RBL2: variants seen among roughly 807,000 people sequenced by gnomAD.
The protein encoded by RBL2 is RB transcriptional corepressor like 2, also known as retinoblastoma-like protein 2.
RBL2 carries 56 observed loss-of-function variants against 126.0 expected under a neutral mutation model. The observed-to-expected ratio is 0.44, with a 90% CI of 0.36 to 0.56. The LOEUF is 0.56. RBL2 is among the 20% of genes least tolerant of loss of function. The pLI is 0.00. For missense variants in RBL2, 1,229 were observed against 1,398.2 expected (o/e 0.88, Z 1.93); for synonymous variants, 454 against 478.5 (o/e 0.95, Z 0.67).
chr16:53,465,012 C>T (rs2076358795), intron 12 of RBL2: 1 of 153,036 alleles, frequency 6.5e-6, no homozygotes, highest in African/African-American at 2.4e-5. Flanking sequence ...CCAGGATGGT[C>T]TCGATCTCCT....
At chr16:53,444,435 C>T (rs2058043499) in intron 3 of RBL2, among the ~76,000 whole-genome samples, 1 of 151,838 alleles carries the variant, frequency 6.6e-6, no homozygotes, top group Admixed American at 6.6e-5. Flanking sequence ...TGCCTGTAAT[C>T]CCAGCTACTT....
chr16:53,489,985 GT>G (rs1961347333), intron 21 of RBL2, 144 bp from the exon 22 acceptor site: 1 of 555,792 alleles, frequency 1.8e-6, no homozygotes, highest in South Asian at 6.3e-5. Flanking sequence ...AAGTTGGCAG[GT>G]TATGTAACTT....
Position 53,467,099 on chromosome 16 carries a change from C to T in RBL2, c.1905C>T (p.Cys635=), listed in dbSNP as rs1467064541. ...PQNLERADEI[C]IAGSPLTPRR... ...ACCTGGAAAGGGCAGATGAAATTTG[C>T]ATTGCTGGCTCCCCTTTGACTCCCA... The change falls in exon 14 of 22, where the codon TGC becomes TGT. Residue 635 remains cysteine (C), a synonymous_variant. Transcript: ENST00000262133. The T allele has an allele frequency of 3.1e-6, 5 of 1,613,854 alleles. No individual in the cohort carries two copies. The highest frequency in any genetic ancestry group is 1.7e-5 in the Admixed American group (1 of 60,000).
rs1961424587 is a variant in RBL2, at chr16:53,491,214, C to T, written c.*914C>T. 6.6e-6 allele frequency: 1 copy of T among 152,072 alleles called. No individual in the cohort carries two copies. The highest frequency in any genetic ancestry group is 1.5e-5 in the Non-Finnish European group (1 of 68,014). 9.4% of individuals were successfully genotyped at this position (152,072 alleles called of 1,614,324 possible). A position where few individuals can be genotyped will look rare whatever the true frequency, so the allele number is the denominator to read the frequency against. ...GGGGATTAATATGAAAACTTATGAC[C>T]TCTTCCTTTAGGAGGGAGTTATCTA... On this transcript the variant is annotated 3_prime_UTR_variant, in exon 22 of 22. Transcript: ENST00000262133.
At chr16:53,454,268 G>A (rs1018238094) in intron 7 of RBL2, 5 of 446,920 alleles carry the variant, frequency 1.1e-5, no homozygotes, top group Non-Finnish European at 2.2e-5. Context: ...GCAGTGGCAT[G>A]ATCTCGGCTC....
intron 1 of RBL2, among the ~76,000 whole-genome samples, chr16:53,435,053 G>C (rs2057943525): frequency 6.6e-6 from 1 of 152,184 alleles, no homozygotes; most frequent in African/African-American, 2.4e-5. Context: ...GATCGCGCTG[G>C]GGTCCCGTTG....
chr16:53,434,758 G>A lies in RBL2; in HGVS notation c.202G>A (p.Asp68Asn). The A allele has an allele frequency of 6.5e-7, 1 of 1,537,648 alleles. No homozygotes were observed. Among genetic ancestry groups the A allele is most frequent in the African/African-American group, 1.4e-5 (1 of 72,590 alleles). The change falls in exon 1 of 22, where the codon GAC becomes AAC. Residue 68 changes from aspartate to asparagine, a missense_variant. Asp to Asn is a conservative substitution (Grantham distance 23). Coordinates refer to ENST00000262133, the MANE Select transcript of RBL2 (RefSeq NM_005611.4). ...CGAGGCGGCGCGGGCCGAGGCCTGG[G>A]ACAGCTACCGCAGCATGAGCGAAAG... Reference protein sequence around the residue: ...MDEAARAEAWDSYRSMSESYT... With the variant: ...MDEAARAEAWNSYRSMSESYT...
In RBL2 at chr16:53,470,494, C is replaced by CT; in HGVS notation, c.2358dup (p.Gly787TrpfsTer41). 6.2e-7 allele frequency: 1 copy of CT among 1,614,152 alleles called. No individual in the cohort carries two copies. On this transcript the variant is annotated frameshift_variant, in exon 16 of 22. Transcript: ENST00000262133. LOFTEE classifies it high-confidence loss of function. ...CAGCCCCTCAGTGCTCAGGCCCTGGCTGGAAGTCTGAGCTCTCAACAGGTG... is the reference window on the plus strand; with the variant it reads ...CAGCCCCTCAGTGCTCAGGCCCTGGCTTGGAAGTCTGAGCTCTCAACAGGTG...
At position 53,470,746 on chromosome 16, in the gene RBL2, G is replaced by T. The variant is rs781006235; in HGVS notation, c.2527G>T (p.Val843Leu). The change falls in exon 17 of 22, where the codon GTA becomes TTA. Residue 843 changes from valine (V) to leucine (L), a missense_variant and splice_region_variant. Physicochemically the swap from Val to Leu is conservative, Grantham distance 32. Transcript: ENST00000262133. The stretch of plus-strand genomic sequence containing the variant: ...AGTTTGAAATGTTTTTATCTCCTAG[G>T]TATACCATTTAGCAGCTGTCCGCCT... ...TSSLSLFFRK[V>L]YHLAAVRLRD... The T allele has an allele frequency of 2.5e-6, 4 of 1,613,758 alleles. No homozygotes were observed. Among genetic ancestry groups the T allele is most frequent in the African/African-American group, 2.7e-5 (2 of 74,886 alleles).
In RBL2 at chr16:53,446,547, C is replaced by G. The variant is rs370123989; in HGVS notation, c.573-495C>G. On this transcript the variant is annotated intron_variant, in intron 3 of 21. Coordinates refer to ENST00000262133, the MANE Select transcript of RBL2 (RefSeq NM_005611.4). ...ACTACTTGGCAATATACAACAGGTA[C>G]TCTTAATGGATGGAAGTATAAGGAA... 8.6e-5 allele frequency among the ~76,000 whole-genome samples: 13 copies of G among 152,010 alleles called. 1 individual carries two copies. The highest frequency in any genetic ancestry group is 6.6e-4 in the Admixed American group (10 of 15,250).
intron 21 of RBL2, chr16:53,489,019 A>G (rs552166112): frequency 5.3e-5 from 8 of 151,916 alleles, no homozygotes; most frequent in South Asian, 4.2e-4. Flanking sequence ...ATTCAAGACC[A>G]GCTTGGACAA....
At chr16:53,447,007 G>A (rs561266156) in intron 3 of RBL2, 35 bp from the exon 4 acceptor site, 1 of 1,331,934 alleles carries the variant, frequency 7.5e-7, no homozygotes, top group South Asian at 1.5e-5. Context: ...TGATTCTTCT[G>A]TTGTCTCATG....
intron 5 of RBL2, among the ~76,000 whole-genome samples, chr16:53,452,671 G>T (rs1316396701): frequency 1.3e-5 from 2 of 151,356 alleles, no homozygotes; most frequent in East Asian, 1.9e-4. Context: ...AAATTAAAAA[G>T]AATTTTTTTT....
intron 9 of RBL2, among the ~76,000 whole-genome samples, chr16:53,460,108 G>C (rs768296158): frequency 2.6e-5 from 4 of 152,214 alleles, no homozygotes; most frequent in Non-Finnish European, 5.9e-5. Flanking sequence ...TGGAAAGGAA[G>C]TTCACTGCAT....
intron 11 of RBL2, 108 bp downstream of exon 11, chr16:53,462,763 C>G (rs2058235289): frequency 1.5e-6 from 1 of 671,610 alleles, no homozygotes; most frequent in Admixed American, 3.8e-5. Context: ...CTTTCATACA[C>G]AAAAGTTTTT....
At chr16:53,467,544 C>T (rs1203783046) in intron 14 of RBL2, among the ~76,000 whole-genome samples, 1 of 152,130 alleles carries the variant, frequency 6.6e-6, no homozygotes, top group Non-Finnish European at 1.5e-5. Flanking sequence ...TGCGCCACCA[C>T]GCCTAGCTAA....
chr16:53,449,731 A>G (rs936435882), intron 4 of RBL2: 2 of 152,096 alleles, frequency 1.3e-5, no homozygotes, highest in African/African-American at 4.8e-5. Flanking sequence ...ACTCTTTTAT[A>G]GCCACCTTTC....
intron 2 of RBL2, among the ~76,000 whole-genome samples, chr16:53,441,682 C>T (rs2058017671): frequency 6.6e-6 from 1 of 152,080 alleles, no homozygotes. Context: ...ATTGTTTACA[C>T]ATACATGTGT....
intron 5 of RBL2, 117 bp downstream of exon 5, chr16:53,451,948 T>C (rs2058119164): frequency 8.6e-7 from 1 of 1,165,702 alleles, no homozygotes; most frequent in African/African-American, 1.5e-5. Context: ...ATTACGGCTA[T>C]CCAGGGTACT....
Sources: gnomAD v4.1 joint callset for allele counts (sites outside exome capture counted in the v4.1 genomes callset) on GRCh38, gnomAD v4.1.1 for gene constraint, MANE v1.5 for transcripts, NCBI Gene and HGNC (gene_info 2026-07-23, HGNC 2026-07-21) for gene names.